Variants in DENND1A observed in about 807,000 individuals in gnomAD.
The protein encoded by DENND1A is DENN domain-containing protein 1A.
In DENND1A, 51 loss-of-function variants were observed where a neutral mutation model predicts 113.7. The ratio of observed to expected loss-of-function variants is 0.45; its 90% CI spans 0.36 to 0.57. The LOEUF is 0.57. DENND1A is among the 20% of genes least tolerant of loss of function. The pLI is 0.00. For synonymous variants in DENND1A, 565 were observed against 570.8 expected, an observed-to-expected ratio of 0.99 and a Z score of 0.14; for missense variants, 1,258 against 1,395.9, an observed-to-expected ratio of 0.90 and a Z score of 1.57.
At chr9:123,765,223 A>G (rs1015991295) in intron 4 of DENND1A, among the ~76,000 whole-genome samples, 10 of 152,134 alleles carry the variant, frequency 6.6e-5, no homozygotes, top group Non-Finnish European at 1.0e-4. Flanking sequence ...TAAAACAGGG[A>G]AAGTATGGTG....
chr9:123,502,739 T>G (rs1187314314), intron 13 of DENND1A, among the ~76,000 whole-genome samples: 1 of 152,254 alleles, frequency 6.6e-6, no homozygotes. Context: ...TTTGGTGTCA[T>G]AGCCAAGAAG....
chr9:123,520,180 C>T (rs1274192842), intron 13 of DENND1A, among the ~76,000 whole-genome samples: 1 of 147,334 alleles, frequency 6.8e-6, no homozygotes, highest in African/African-American at 2.5e-5. Context: ...AAAAAGGCCA[C>T]CTGTGGTGGC....
intron 15 of DENND1A, 99 bp downstream of exon 15, chr9:123,457,249 G>T (rs2048192416): frequency 1.3e-5 from 12 of 894,588 alleles, no homozygotes; most frequent in Admixed American, 7.3e-5. Context: ...CTCTTCCTAA[G>T]CCCCAATAAA....
At chr9:123,885,563 T>A (rs572949467) in intron 1 of DENND1A, among the ~76,000 whole-genome samples, 1 of 152,366 alleles carries the variant, frequency 6.6e-6, no homozygotes, top group East Asian at 1.9e-4. Flanking sequence ...AAGTTCTCAA[T>A]AAGTCACACC....
At chr9:123,827,542 A>G (rs1448528193) in intron 2 of DENND1A, among the ~76,000 whole-genome samples, 1 of 152,028 alleles carries the variant, frequency 6.6e-6, no homozygotes, top group Non-Finnish European at 1.5e-5. Flanking sequence ...ACATGTACAC[A>G]CAGACACAAA....
intron 1 of DENND1A, among the ~76,000 whole-genome samples, chr9:123,900,045 T>G (rs1851358687): frequency 6.6e-6 from 1 of 152,234 alleles, no homozygotes; most frequent in Admixed American, 6.5e-5. Context: ...CATTCTCTTC[T>G]GATTATCAGT....
intron 11 of DENND1A, among the ~76,000 whole-genome samples, chr9:123,594,476 T>C (rs1485025230): frequency 6.6e-6 from 1 of 152,080 alleles, no homozygotes; most frequent in African/African-American, 2.4e-5. Flanking sequence ...ACCTTTATTC[T>C]ACCCAAGGCA....
At chr9:123,454,539 C>G (rs1004592858) in intron 16 of DENND1A, among the ~76,000 whole-genome samples, 200 bp downstream of exon 16, 7 of 152,190 alleles carry the variant, frequency 4.6e-5, no homozygotes, top group African/African-American at 1.7e-4. Context: ...CCTTTTTCAG[C>G]CCCCACCAAG....
chr9:123,723,575 C>T (rs551807050), intron 5 of DENND1A, among the ~76,000 whole-genome samples: 60 of 152,152 alleles, frequency 3.9e-4, no homozygotes, highest in African/African-American at 1.4e-3. Context: ...GTGGTCTTTC[C>T]CATGCTGTTC....
intron 2 of DENND1A, among the ~76,000 whole-genome samples, chr9:123,842,842 T>C (rs1842024494): frequency 6.6e-6 from 1 of 152,080 alleles, no homozygotes; most frequent in African/African-American, 2.4e-5. Flanking sequence ...ATACTCAATA[T>C]ATTAATACTA....
intron 1 of DENND1A, among the ~76,000 whole-genome samples, chr9:123,929,227 G>A (rs1857592092): frequency 6.6e-6 from 1 of 152,230 alleles, no homozygotes; most frequent in Non-Finnish European, 1.5e-5. Context: ...ATGAATGAGT[G>A]AGGGAATTCG....
intron 13 of DENND1A, among the ~76,000 whole-genome samples, chr9:123,529,232 T>C (rs984252645): frequency 2.0e-5 from 3 of 152,184 alleles, no homozygotes; most frequent in Admixed American, 1.3e-4. Flanking sequence ...AAAATGTTAC[T>C]GAACTATTTG....
chr9:123,874,425 A>C (rs1403076731), intron 2 of DENND1A, among the ~76,000 whole-genome samples: 1 of 152,182 alleles, frequency 6.6e-6, no homozygotes, highest in Non-Finnish European at 1.5e-5. Context: ...TCAATTTTAA[A>C]AATGAGCAAG....
At chr9:123,830,428 C>T (rs1170369632) in intron 2 of DENND1A, among the ~76,000 whole-genome samples, 1 of 151,794 alleles carries the variant, frequency 6.6e-6, no homozygotes, top group African/African-American at 2.4e-5. Flanking sequence ...CAGGTGTATA[C>T]ATGTTTCAAA....
At chr9:123,508,724 A>T (rs1401978341) in intron 13 of DENND1A, among the ~76,000 whole-genome samples, 1 of 152,256 alleles carries the variant, frequency 6.6e-6, no homozygotes, top group Non-Finnish European at 1.5e-5. Flanking sequence ...CTGAGGAGAG[A>T]TCAGGTGAAG....
chr9:123,767,351 A>G (rs1382982611), intron 4 of DENND1A, among the ~76,000 whole-genome samples: 1 of 152,124 alleles, frequency 6.6e-6, no homozygotes, highest in African/African-American at 2.4e-5. Context: ...ACTATTGTAC[A>G]TGGTAAGGAA....
chr9:123,460,114 C>T (rs1160802372), intron 13 of DENND1A, among the ~76,000 whole-genome samples: 1 of 152,178 alleles, frequency 6.6e-6, no homozygotes, highest in Non-Finnish European at 1.5e-5. Context: ...CTCTGAGCTT[C>T]CTGGCTGCTG....
chr9:123,893,581 T>C (rs1850255163), intron 1 of DENND1A, among the ~76,000 whole-genome samples: 1 of 152,180 alleles, frequency 6.6e-6, no homozygotes, highest in African/African-American at 2.4e-5. Context: ...ATTTGTCACT[T>C]ATTGCACTAT....
chr9:123,564,074 C>A (rs1257793562), intron 12 of DENND1A, among the ~76,000 whole-genome samples: 1 of 152,112 alleles, frequency 6.6e-6, no homozygotes. Flanking sequence ...CCAGTTTAGC[C>A]CCTACAAATC....
Sources: gnomAD v4.1 joint callset for allele counts (sites outside exome capture counted in the v4.1 genomes callset) on GRCh38, gnomAD v4.1.1 for gene constraint, MANE v1.5 for transcripts, NCBI Gene and HGNC (gene_info 2026-07-23, HGNC 2026-07-21) for gene names.